ARHGAP10: variants seen among roughly 807,000 people sequenced by gnomAD.
ARHGAP10 encodes the protein rho GTPase-activating protein 10.
Under a neutral mutation model 108.6 loss-of-function variants are expected in ARHGAP10, and 87 were observed. The observed-to-expected ratio is 0.80, with a 90% CI of 0.67 to 0.96. ARHGAP10 has a LOEUF of 0.96. Among genes scored for constraint, ARHGAP10 ranks in the 40% least tolerant of loss-of-function variants. ARHGAP10 has a pLI of 0.00. For synonymous variants in ARHGAP10, 347 were observed against 341.1 expected, an observed-to-expected ratio of 1.02 and a Z score of -0.19; for missense variants, 939 against 954.5, an observed-to-expected ratio of 0.98 and a Z score of 0.21.
intron 4 of ARHGAP10, among the ~76,000 whole-genome samples, chr4:147,851,998 A>G (rs1453357612): frequency 6.6e-6 from 1 of 152,216 alleles, no homozygotes; most frequent in East Asian, 1.9e-4. Context: ...CCTGGTCTGT[A>G]AAATGAGACT....
At chr4:147,823,504 T>C (rs1397993208) in intron 3 of ARHGAP10, among the ~76,000 whole-genome samples, 1 of 152,128 alleles carries the variant, frequency 6.6e-6, no homozygotes, top group African/African-American at 2.4e-5. Context: ...ATGCCTGAAA[T>C]TCTAGCCCTT....
At chr4:147,760,159 C>G (rs979354798) in intron 1 of ARHGAP10, among the ~76,000 whole-genome samples, 2 of 152,216 alleles carry the variant, frequency 1.3e-5, no homozygotes, top group African/African-American at 4.8e-5. Context: ...TCCCTGTATT[C>G]AGGCTGTCAC....
chr4:147,984,528 C>T (rs1222818962), intron 18 of ARHGAP10, among the ~76,000 whole-genome samples: 1 of 152,206 alleles, frequency 6.6e-6, no homozygotes, highest in Non-Finnish European at 1.5e-5. Context: ...GGGAGGACCA[C>T]ACCAAGAGTT....
chr4:147,848,859 C>A (rs1316836481), intron 4 of ARHGAP10, among the ~76,000 whole-genome samples: 1 of 152,220 alleles, frequency 6.6e-6, no homozygotes, highest in Non-Finnish European at 1.5e-5. Context: ...TGCAAAGCAA[C>A]TTGCACAATA....
intron 1 of ARHGAP10, among the ~76,000 whole-genome samples, chr4:147,737,479 G>T (rs1264431259): frequency 6.6e-6 from 1 of 150,636 alleles, no homozygotes; most frequent in Non-Finnish European, 1.5e-5. Context: ...TTGATAAAGT[G>T]GTGTAATTGT....
chr4:147,922,297 G>A lies in ARHGAP10; in HGVS notation c.1228+9158G>A, dbSNP rs532177770. ...TCTGCTGAAGGGTTGCCTTGCCTTT[G>A]AGTGATAAGGACCTATCAGGGTTAA... On this transcript the variant is annotated intron_variant, in intron 13 of 22. Transcript: ENST00000336498. 1.4e-3 allele frequency among the ~76,000 whole-genome samples: 208 copies of A among 152,080 alleles called. 1 individual carries two copies. Among genetic ancestry groups the A allele is most frequent in the Non-Finnish European group, 2.7e-3 (181 of 67,998 alleles).
rs376928703 is a variant in ARHGAP10 at position 147,913,447 on chromosome 4, C to T, written c.1228+308C>T. Among the ~76,000 whole-genome samples the T allele has an allele frequency of 2.5e-4, 38 of 152,228 alleles. No homozygotes were observed. The South Asian group carries it at 7.5e-3, about 30-fold the overall frequency. On this transcript the variant is annotated intron_variant, in intron 13 of 22. Transcript: ENST00000336498. ...CTTAAAGAATAGAAATTTATTTTCT[C>T]GTGGTTCTGGAGGCTGGAAGTTCAA...
At chr4:147,818,294 G>A (rs949244335) in intron 1 of ARHGAP10, among the ~76,000 whole-genome samples, 6 of 151,852 alleles carry the variant, frequency 4.0e-5, no homozygotes, top group African/African-American at 9.7e-5. Context: ...GGCTGGGCGC[G>A]GTGGCTCACG....
intron 13 of ARHGAP10, among the ~76,000 whole-genome samples, chr4:147,927,143 TG>T (rs1307346647): frequency 6.6e-6 from 1 of 152,078 alleles, no homozygotes; most frequent in African/African-American, 2.4e-5. Flanking sequence ...TTTTTGAGGA[TG>T]TTGGAGAGAT....
At chr4:148,045,692 C>T (rs1198894912) in intron 19 of ARHGAP10, among the ~76,000 whole-genome samples, 2 of 136,032 alleles carry the variant, frequency 1.5e-5, no homozygotes, top group East Asian at 2.3e-4. Context: ...GAGCCGAGAT[C>T]GCGCCATTGC....
intron 18 of ARHGAP10, among the ~76,000 whole-genome samples, chr4:147,996,704 A>G (rs1357814298): frequency 6.6e-6 from 1 of 152,308 alleles, no homozygotes; most frequent in South Asian, 2.1e-4. Context: ...CCCAAAATTC[A>G]TATGTTGAAG....
chr4:148,011,318 T>C (rs925179575), intron 18 of ARHGAP10, among the ~76,000 whole-genome samples: 4 of 152,222 alleles, frequency 2.6e-5, no homozygotes, highest in African/African-American at 9.6e-5. Flanking sequence ...TCTCTTCTCC[T>C]TGATGTCTAG....
At chr4:147,933,367 T>C (rs1210180093) in intron 13 of ARHGAP10, among the ~76,000 whole-genome samples, 1 of 152,210 alleles carries the variant, frequency 6.6e-6, no homozygotes, top group Non-Finnish European at 1.5e-5. Flanking sequence ...TAGCTGGGAT[T>C]ACAGGCACTC....
intron 20 of ARHGAP10, 106 bp downstream of exon 20, chr4:148,047,157 T>C: frequency 3.0e-6 from 4 of 1,352,906 alleles, no homozygotes; most frequent in Non-Finnish European, 4.0e-6. Context: ...CCATTAGATC[T>C]AGGAGCCCTT....
intron 18 of ARHGAP10, among the ~76,000 whole-genome samples, 172 bp downstream of exon 18, chr4:147,967,011 A>T (rs1156348184): frequency 6.6e-6 from 1 of 152,166 alleles, no homozygotes; most frequent in Non-Finnish European, 1.5e-5. Context: ...CTTCTGATGG[A>T]GTTCCATAAA....
intron 7 of ARHGAP10, among the ~76,000 whole-genome samples, chr4:147,873,468 G>T (rs1175922991): frequency 2.0e-5 from 3 of 151,546 alleles, no homozygotes; most frequent in Admixed American, 6.6e-5. Flanking sequence ...GTTGATGAGG[G>T]TTGGAAGGAA....
intron 1 of ARHGAP10, among the ~76,000 whole-genome samples, chr4:147,811,459 G>A (rs1168574013): frequency 1.3e-5 from 2 of 152,144 alleles, no homozygotes. Flanking sequence ...TTGTAAGCAT[G>A]GCCACATTAT....
chr4:147,816,447 A>C (rs1465532025), intron 1 of ARHGAP10, among the ~76,000 whole-genome samples: 2 of 152,210 alleles, frequency 1.3e-5, no homozygotes, highest in African/African-American at 2.4e-5. Flanking sequence ...TGTCACTTCA[A>C]GTCATTCAAG....
intron 22 of ARHGAP10, among the ~76,000 whole-genome samples, chr4:148,068,227 C>T (rs956770412): frequency 1.6e-4 from 24 of 152,236 alleles, no homozygotes; most frequent in Admixed American, 5.9e-4. Flanking sequence ...TTTCCAGGAG[C>T]GACCCCACGT....
Sources: allele counts gnomAD v4.1 joint callset (sites outside exome capture counted in the v4.1 genomes callset), GRCh38; gene constraint gnomAD v4.1.1; transcripts MANE v1.5; gene names NCBI Gene and HGNC (gene_info 2026-07-23, HGNC 2026-07-21).